The following GALNT2 variants were observed in gnomAD, a reference collection of about 807,000 sequenced individuals.
GALNT2 encodes UDP-GalNAc:polypeptide N-acetylgalactosaminyltransferase 2.
Under a neutral mutation model 81.4 loss-of-function variants are expected in GALNT2, and 31 were observed. The observed-to-expected ratio is 0.38, with a 90% CI of 0.29 to 0.51. The LOEUF (loss-of-function observed/expected upper bound fraction) is 0.51, where lower values mean the gene tolerates loss of function less well. GALNT2 is among the 20% of genes least tolerant of loss of function. The probability of loss-of-function intolerance (pLI) is 0.87; values close to 1 mark genes in which losing one functional copy is unlikely to be tolerated. For missense variants in GALNT2, 629 were observed against 765.7 expected (o/e 0.82, Z 2.11); for synonymous variants, 303 against 287.4 (o/e 1.05, Z -0.55).
chr1:230,129,474 T>C (rs1377968846), intron 1 of GALNT2, among the ~76,000 whole-genome samples: 1 of 152,128 alleles, frequency 6.6e-6, no homozygotes, highest in Non-Finnish European at 1.5e-5. Context: ...TTTGCCACCA[T>C]GTCTGGCTAA....
At chr1:230,082,518 C>A (rs1659765919) in intron 1 of GALNT2, among the ~76,000 whole-genome samples, 1 of 152,256 alleles carries the variant, frequency 6.6e-6, no homozygotes, top group Non-Finnish European at 1.5e-5. Context: ...TGCCATTCCT[C>A]CTGCAGCCGA....
chr1:230,216,377 C>G (rs1664390418), intron 3 of GALNT2, among the ~76,000 whole-genome samples: 1 of 152,186 alleles, frequency 6.6e-6, no homozygotes, highest in Admixed American at 6.5e-5. Context: ...TTAAAAGAAG[C>G]AGCATTGTCA....
At chr1:230,117,553 T>A (rs7520068) in intron 1 of GALNT2, among the ~76,000 whole-genome samples, 63,914 of 151,988 alleles carry the variant, frequency 0.42, 13,437 homozygotes, top group South Asian at 0.53. Context: ...TATCGTGGTA[T>A]CGCAGGGAAT....
intron 1 of GALNT2, among the ~76,000 whole-genome samples, chr1:230,166,573 G>A (rs527947812): frequency 5.4e-4 from 82 of 152,228 alleles, no homozygotes; most frequent in African/African-American, 1.9e-3. Context: ...AGTGGACTCC[G>A]GGGATTCAGT....
At chr1:230,221,232 T>G (rs1558146895) in intron 3 of GALNT2, among the ~76,000 whole-genome samples, 1 of 152,258 alleles carries the variant, frequency 6.6e-6, no homozygotes, top group Non-Finnish European at 1.5e-5. Context: ...ATATATAACT[T>G]TCCCTTATAA....
intron 1 of GALNT2, among the ~76,000 whole-genome samples, chr1:230,089,961 A>G (rs1367151778): frequency 4.0e-5 from 6 of 151,416 alleles, no homozygotes; most frequent in Admixed American, 1.3e-4. Flanking sequence ...ATACTGAGGA[A>G]CCTCCATACT....
At chr1:230,273,313 G>A (rs1014902504) in intron 14 of GALNT2, among the ~76,000 whole-genome samples, 1 of 152,300 alleles carries the variant, frequency 6.6e-6, no homozygotes, top group Admixed American at 6.5e-5. Context: ...TGACAGCGCC[G>A]GTGTCATACA....
Position 230,279,453 on chromosome 1 carries a change from C to A in GALNT2, c.1711C>A (p.Gln571Lys). Reference protein sequence around the residue: ...QQWKFTLNLQQ With the variant: ...QQWKFTLNLQK ...GTGGAAGTTCACGCTCAACCTGCAG[C>A]AGTAGGAGGGTCCGGGAGGCCCTGC... Residue 571 changes from glutamine to lysine, a missense_variant, in exon 16 of 16, where the codon CAG becomes AAG. Physicochemically the swap from Gln to Lys is moderately conservative, Grantham distance 53. Around this residue, in one of 3 missense-constraint regions of GALNT2, gnomAD observed 207 missense variants for 225.5 expected, o/e 0.92. Transcript: ENST00000366672. This position sits in a 1 kb window ranked among gnomAD's most constrained non-coding sequence, Gnocchi z 4.6. 6.2e-7 allele frequency: 1 copy of A among 1,613,624 alleles called. No homozygotes were observed.
At chr1:230,146,951 C>A (rs766754016) in intron 1 of GALNT2, among the ~76,000 whole-genome samples, 1 of 152,060 alleles carries the variant, frequency 6.6e-6, no homozygotes, top group Non-Finnish European at 1.5e-5. Context: ...TCCCGCTGGC[C>A]GCACTGTGTG....
Position 230,274,474 on chromosome 1 carries a change from G to A in GALNT2, c.1470G>A (p.Val490=), listed in dbSNP as rs542026528. ...GGGCCTTGACGAAGGAGAAGTCGGT[G>A]AAGCACATGGATTTGTGCCTTACTG... ...QEWALTKEKS[V]KHMDLCLTVV... Residue 490 remains valine (V), a synonymous_variant, in exon 15 of 16, where the codon GTG becomes GTA. Coordinates refer to ENST00000366672, the MANE Select transcript of GALNT2 (RefSeq NM_004481.5). 1.2e-4 allele frequency: 187 copies of A among 1,613,778 alleles called. 3 individuals carry two copies. In the South Asian group the frequency reaches 1.9e-3, roughly 16 times the overall value.
At chr1:230,223,907 G>C (rs949558836) in intron 3 of GALNT2, among the ~76,000 whole-genome samples, 2 of 152,176 alleles carry the variant, frequency 1.3e-5, no homozygotes, top group Non-Finnish European at 2.9e-5. Flanking sequence ...ACTGCTCAGG[G>C]GTCCCACAGA....
At chr1:230,140,501 C>T (rs1454799888) in intron 1 of GALNT2, among the ~76,000 whole-genome samples, 1 of 152,172 alleles carries the variant, frequency 6.6e-6, no homozygotes, top group African/African-American at 2.4e-5. Context: ...CGTGACTTCC[C>T]GTGAAGCTGC....
intron 8 of GALNT2, among the ~76,000 whole-genome samples, chr1:230,248,877 C>T (rs1665456281): frequency 6.6e-6 from 1 of 152,082 alleles, no homozygotes; most frequent in African/African-American, 2.4e-5. Flanking sequence ...CCACACAGAC[C>T]CCAGTTCTCT....
chr1:230,145,131 C>T (rs1037918067), intron 1 of GALNT2, among the ~76,000 whole-genome samples: 1 of 152,196 alleles, frequency 6.6e-6, no homozygotes, highest in Non-Finnish European at 1.5e-5. Context: ...CTTAGAGCGA[C>T]CCATGTGCCT....
chr1:230,238,377 C>T (rs1006340777), intron 6 of GALNT2, among the ~76,000 whole-genome samples: 2 of 152,150 alleles, frequency 1.3e-5, no homozygotes, highest in African/African-American at 4.8e-5. Flanking sequence ...CCCTCATTCA[C>T]AATTAAATAG....
chr1:230,072,216 C>T (rs1034700430), intron 1 of GALNT2, among the ~76,000 whole-genome samples: 6 of 152,022 alleles, frequency 3.9e-5, no homozygotes, highest in Non-Finnish European at 8.8e-5. Context: ...CTTCTTGCTA[C>T]TGCTCATGTT....
rs113630188 is a variant in GALNT2, at chr1:230,110,714, G to GTT, written c.126+43321_126+43322dup. Among the ~76,000 whole-genome samples, 29 of 137,648 alleles carry GTT rather than the reference G, an allele frequency of 2.1e-4. 1 individual carries two copies. Among genetic ancestry groups the GTT allele is most frequent in the Non-Finnish European group, 3.3e-4 (21 of 63,636 alleles). 90.3% of individuals were successfully genotyped at this position (137,648 alleles called of 152,430 possible). A position where few individuals can be genotyped will look rare whatever the true frequency, so the allele number is the denominator to read the frequency against. ...GGGTCTCTCTCAGCTGTGCTTTTCT[G>GTT]TTTTTTTTTTTTTTGTCTTCAATAG... On this transcript the variant is annotated intron_variant, in intron 1 of 15. Coordinates refer to ENST00000366672, the MANE Select transcript of GALNT2 (RefSeq NM_004481.5).
In GALNT2 at chr1:230,061,014, C is replaced by G. The variant is rs963196870; in HGVS notation, n.89+2936C>G. Among the ~76,000 whole-genome samples, 3 of 152,076 alleles carry G rather than the reference C, an allele frequency of 2.0e-5. No homozygotes were observed. In the East Asian group the frequency reaches 5.8e-4, roughly 29 times the overall value. On this transcript the variant is annotated intron_variant and non_coding_transcript_variant, in intron 1 of 6. Coordinates refer to the GALNT2 transcript ENST00000494106. ...ATTTAATACCCTCTCAACCCCAGTC[C>G]TGGAATCAATAATTTCTCCAGTGAA...
chr1:230,064,244 C>T (rs970730688), upstream of GALNT2, among the ~76,000 whole-genome samples: 3 of 152,184 alleles, frequency 2.0e-5, no homozygotes, highest in African/African-American at 7.2e-5. Context: ...CTTCGCTCTT[C>T]CCCTTCTCCT....
Sources: allele counts gnomAD v4.1 joint callset (sites outside exome capture counted in the v4.1 genomes callset), GRCh38; gene constraint gnomAD v4.1.1; regional missense constraint gnomAD v4.1.1; non-coding constraint Gnocchi (gnomAD v3.1); transcripts MANE v1.5; gene names NCBI Gene and HGNC (gene_info 2026-07-23, HGNC 2026-07-21).